The following NKAIN3 variants were observed in gnomAD, a reference collection of about 807,000 sequenced individuals.
The protein encoded by NKAIN3 is sodium/potassium transporting ATPase interacting 3, also known as sodium/potassium-transporting ATPase subunit beta-1-interacting protein 3.
In NKAIN3, 25 loss-of-function variants were observed where a neutral mutation model predicts 30.2. That is an observed-to-expected ratio of 0.83 (90% CI 0.60 to 1.16). NKAIN3 has a LOEUF of 1.16. NKAIN3 is among the 50% of genes most tolerant of loss of function. The pLI is 0.00. For synonymous variants in NKAIN3, 91 were observed against 89.6 expected, an observed-to-expected ratio of 1.02 and a Z score of -0.09; for missense variants, 225 against 254.1, an observed-to-expected ratio of 0.89 and a Z score of 0.78.
chr8:62,555,011 TACACACACACACACACAC>T (rs59610407), intron 1 of NKAIN3, among the ~76,000 whole-genome samples: 8 of 145,032 alleles, frequency 5.5e-5, no homozygotes, highest in Non-Finnish European at 7.5e-5. Context: ...GCAGAATCTA[TACACACACACACACACAC>T]ACACACACAC....
At chr8:62,641,336 T>A (rs1482919891) in intron 3 of NKAIN3, among the ~76,000 whole-genome samples, 3 of 152,174 alleles carry the variant, frequency 2.0e-5, no homozygotes, top group Admixed American at 2.0e-4. Context: ...TTGCTGTGTG[T>A]CTTGCTGGAC....
intron 5 of NKAIN3, among the ~76,000 whole-genome samples, chr8:62,930,290 G>A (rs1822578912): frequency 6.6e-6 from 1 of 150,682 alleles, no homozygotes; most frequent in Admixed American, 6.6e-5. Flanking sequence ...TCTCATTCTT[G>A]TCCCCCAGGC....
At chr8:62,421,705 G>C (rs1448745281) in intron 1 of NKAIN3, among the ~76,000 whole-genome samples, 5 of 151,710 alleles carry the variant, frequency 3.3e-5, no homozygotes, top group Admixed American at 6.6e-5. Flanking sequence ...CCAGGCTGTA[G>C]CTCCTCCCCA....
At chr8:62,284,082 G>A (rs538241293) in intron 1 of NKAIN3, among the ~76,000 whole-genome samples, 4 of 152,148 alleles carry the variant, frequency 2.6e-5, no homozygotes, top group South Asian at 4.1e-4. Context: ...CCACATAGCC[G>A]AGAATGTCAC....
rs952881845 is a variant in NKAIN3, at chr8:62,924,744, C to T, written c.532+6231C>T. Among the ~76,000 whole-genome samples, 5 of 152,180 alleles carry T rather than the reference C, an allele frequency of 3.3e-5. No homozygotes were observed. The East Asian group carries it at 9.6e-4, about 29-fold the overall frequency. The stretch of plus-strand genomic sequence containing the variant: ...CCATAGACTGGGTAGCTTATAATAA[C>T]AGGAAGTTATTTCACAGAGTTCTGT... On this transcript the variant is annotated intron_variant, in intron 5 of 6. Coordinates refer to ENST00000623646, the MANE Select transcript of NKAIN3 (RefSeq NM_001304533.3).
intron 4 of NKAIN3, among the ~76,000 whole-genome samples, chr8:62,813,516 T>A (rs1185006026): frequency 6.7e-6 from 1 of 150,010 alleles, no homozygotes; most frequent in African/African-American, 2.5e-5. Flanking sequence ...TTTTTTTTAT[T>A]AATCCATTTG....
chr8:62,555,630 GAC>G (rs1563455358), intron 1 of NKAIN3, among the ~76,000 whole-genome samples: 1 of 152,018 alleles, frequency 6.6e-6, no homozygotes, highest in Non-Finnish European at 1.5e-5. Flanking sequence ...AGGAAAAAAA[GAC>G]AGAGATATAC....
At chr8:62,290,193 G>A (rs1813540901) in intron 1 of NKAIN3, among the ~76,000 whole-genome samples, 1 of 152,170 alleles carries the variant, frequency 6.6e-6, no homozygotes, top group African/African-American at 2.4e-5. Flanking sequence ...TGCAAGCAGG[G>A]ACAATTTGAC....
At chr8:62,452,320 A>G (rs1408555190) in intron 1 of NKAIN3, among the ~76,000 whole-genome samples, 4 of 152,058 alleles carry the variant, frequency 2.6e-5, no homozygotes, top group African/African-American at 9.7e-5. Context: ...TACTAAAAAT[A>G]CAAAAATTAG....
intron 1 of NKAIN3, among the ~76,000 whole-genome samples, chr8:62,330,984 TTCTC>T (rs1195558985): frequency 2.3e-4 from 35 of 150,062 alleles, no homozygotes; most frequent in Admixed American, 6.6e-4. Context: ...ATCTCTAGAC[TTCTC>T]TCTCTCTCTC....
intron 4 of NKAIN3, among the ~76,000 whole-genome samples, chr8:62,854,017 A>G (rs573313207): frequency 6.6e-6 from 1 of 152,206 alleles, no homozygotes; most frequent in Non-Finnish European, 1.5e-5. Context: ...TTTTCTGTGA[A>G]TTTCTTAATT....
chr8:62,326,828 G>A (rs1483134923), intron 1 of NKAIN3, among the ~76,000 whole-genome samples: 1 of 151,954 alleles, frequency 6.6e-6, no homozygotes, highest in Non-Finnish European at 1.5e-5. Flanking sequence ...AAGTGGAATT[G>A]CTGGGTCATA....
At chr8:62,473,355 A>C (rs750959634) in intron 1 of NKAIN3, 6 of 152,168 alleles carry the variant, frequency 3.9e-5, no homozygotes, top group Non-Finnish European at 7.3e-5. Context: ...CAATAGAAAA[A>C]TCTTATTCGT....
In NKAIN3 at chr8:62,662,523, G is replaced by A. The variant is rs1022715714; in HGVS notation, c.273+72729G>A. Reference sequence around the variant, plus strand: ...TATTACTTTTTTTACTAGAATCATCGTATCCCCCTAACCTTCAGATATACA... The same window carrying A: ...TATTACTTTTTTTACTAGAATCATCATATCCCCCTAACCTTCAGATATACA... On this transcript the variant is annotated intron_variant, in intron 3 of 6. Transcript: ENST00000623646. Among the ~76,000 whole-genome samples, 8 of 151,990 alleles carry A rather than the reference G, an allele frequency of 5.3e-5. No individual in the cohort carries two copies. The South Asian group carries it at 6.2e-4, about 12-fold the overall frequency.
In NKAIN3 at chr8:62,359,574, A is replaced by G. The variant is rs192185702; in HGVS notation, c.54+110447A>G. Among the ~76,000 whole-genome samples the G allele has an allele frequency of 4.2e-3, 637 of 152,274 alleles. 7 individuals are homozygous for G. Among genetic ancestry groups the G allele is most frequent in the Middle Eastern group, 0.01 (3 of 294 alleles). ...ATAGAGACCATGTCTCCCATGCTCC[A>G]CTCACATGAGAGGACCAATGGCTGT... On this transcript the variant is annotated intron_variant, in intron 1 of 6. Transcript: ENST00000623646.
chr8:62,311,164 G>C (rs1181329248), intron 1 of NKAIN3, among the ~76,000 whole-genome samples: 2 of 150,522 alleles, frequency 1.3e-5, no homozygotes, highest in African/African-American at 5.0e-5. Context: ...AAATGGAAAA[G>C]TGAAAAATCC....
intron 3 of NKAIN3, among the ~76,000 whole-genome samples, chr8:62,651,674 T>C (rs549833123): frequency 1.9e-4 from 29 of 152,268 alleles, no homozygotes; most frequent in African/African-American, 6.3e-4. Flanking sequence ...CCAAATCTCA[T>C]ATTGAAATGT....
intron 4 of NKAIN3, among the ~76,000 whole-genome samples, chr8:62,818,760 G>A (rs891253374): frequency 1.3e-5 from 2 of 152,044 alleles, no homozygotes; most frequent in African/African-American, 4.8e-5. Context: ...ACAGAAGAGG[G>A]AACATTTGTC....
chr8:62,421,711 C>A (rs1804647556), intron 1 of NKAIN3, among the ~76,000 whole-genome samples: 1 of 151,952 alleles, frequency 6.6e-6, no homozygotes, highest in South Asian at 2.1e-4. Flanking sequence ...TGTAGCTCCT[C>A]CCCATTTAGA....
Sources: allele counts gnomAD v4.1 joint callset (sites outside exome capture counted in the v4.1 genomes callset), GRCh38; gene constraint gnomAD v4.1.1; transcripts MANE v1.5; gene names NCBI Gene and HGNC (gene_info 2026-07-23, HGNC 2026-07-21).